The following EFNA5 variants were observed in gnomAD, a reference collection of about 807,000 sequenced individuals.
EFNA5 encodes ephrin A5.
A neutral mutation model predicts 22.9 loss-of-function variants in EFNA5; 5 were observed. That is an observed-to-expected ratio of 0.22 (90% CI 0.11 to 0.46). The LOEUF (loss-of-function observed/expected upper bound fraction) is 0.46, where lower values mean the gene tolerates loss of function less well. Among genes scored for constraint, EFNA5 ranks in the 20% least tolerant of loss-of-function variants. The probability of loss-of-function intolerance (pLI) is 0.99; values close to 1 mark genes in which losing one functional copy is unlikely to be tolerated. For synonymous variants in EFNA5, 113 were observed against 112.2 expected, an observed-to-expected ratio of 1.01 and a Z score of -0.04; for missense variants, 237 against 293.3, an observed-to-expected ratio of 0.81 and a Z score of 1.40.
chr5:107,589,946 C>T (rs763211477), intron 1 of EFNA5, among the ~76,000 whole-genome samples: 4 of 152,152 alleles, frequency 2.6e-5, no homozygotes, highest in African/African-American at 4.8e-5. Flanking sequence ...GTGCTCCTGC[C>T]TTTTCTCAAG....
chr5:107,640,015 C>CAGT (rs1342154041), intron 1 of EFNA5, among the ~76,000 whole-genome samples: 4 of 152,116 alleles, frequency 2.6e-5, no homozygotes, highest in African/African-American at 7.2e-5. Context: ...CAATAAGGAA[C>CAGT]AGTAGGTCAG....
intron 2 of EFNA5, among the ~76,000 whole-genome samples, chr5:107,399,411 G>C (rs988435691): frequency 4.0e-5 from 6 of 149,776 alleles, no homozygotes; most frequent in African/African-American, 1.5e-4. Context: ...GAGAAGGAAG[G>C]AAGGAGAGAG....
intron 1 of EFNA5, among the ~76,000 whole-genome samples, chr5:107,592,277 A>C (rs919540136): frequency 6.6e-6 from 1 of 150,942 alleles, no homozygotes; most frequent in Non-Finnish European, 1.5e-5. Flanking sequence ...ATAGATTTCC[A>C]ACATTTAAAA....
intron 1 of EFNA5, among the ~76,000 whole-genome samples, chr5:107,623,453 A>T (rs1233145379): frequency 6.6e-6 from 1 of 151,894 alleles, no homozygotes; most frequent in Non-Finnish European, 1.5e-5. Context: ...ACATAGAAAA[A>T]CTCTTTCTTT....
intron 1 of EFNA5, among the ~76,000 whole-genome samples, chr5:107,565,608 T>C (rs567069869): frequency 2.6e-5 from 4 of 152,348 alleles, no homozygotes; most frequent in South Asian, 2.1e-4. Context: ...TATATACATA[T>C]GTTTTATGTC....
rs571242724 is a variant in EFNA5, at chr5:107,462,345, G to A, written c.126-34836C>T. Among the ~76,000 whole-genome samples, 15 of 152,262 alleles carry A rather than the reference G, an allele frequency of 9.9e-5. No homozygotes were observed. In the East Asian group the frequency reaches 2.7e-3, roughly 27 times the overall value. On this transcript the variant is annotated intron_variant, in intron 1 of 4. Transcript: ENST00000333274. Reference sequence around the variant, plus strand: ...AGATCATCTTTTGTTTATATAAATAGCTTCTGGATTGTGACTTTTATTTGA... The same window carrying A: ...AGATCATCTTTTGTTTATATAAATAACTTCTGGATTGTGACTTTTATTTGA...
In EFNA5 at chr5:107,380,772, T is replaced by C. The variant is rs1580411463; in HGVS notation, c.*483A>G. 2.0e-5 allele frequency: 8 copies of C among 400,248 alleles called. No individual in the cohort carries two copies. In the East Asian group the frequency reaches 2.8e-4, roughly 14 times the overall value. 24.8% of individuals were successfully genotyped at this position (400,248 alleles called of 1,614,324 possible). A position where few individuals can be genotyped will look rare whatever the true frequency, so the allele number is the denominator to read the frequency against. On this transcript the variant is annotated 3_prime_UTR_variant, in exon 5 of 5. Coordinates refer to ENST00000333274, the MANE Select transcript of EFNA5 (RefSeq NM_001962.3). ...CTCCGGACCTGACATGGTGACATGA[T>C]GCCCTGCGCGATCATCTTACAGTTC...
chr5:107,400,511 C>T (rs549933768), intron 2 of EFNA5, among the ~76,000 whole-genome samples: 1 of 152,238 alleles, frequency 6.6e-6, no homozygotes, highest in East Asian at 1.9e-4. Context: ...GTATAACTGA[C>T]AGTTATAGAT....
chr5:107,516,994 C>G (rs1747494371), intron 1 of EFNA5, among the ~76,000 whole-genome samples: 1 of 152,002 alleles, frequency 6.6e-6, no homozygotes, highest in Admixed American at 6.6e-5. Flanking sequence ...GGGGTAGGCA[C>G]AGGGGATGAC....
At chr5:107,661,582 T>C (rs565608290) in intron 1 of EFNA5, among the ~76,000 whole-genome samples, 10 of 152,320 alleles carry the variant, frequency 6.6e-5, no homozygotes, top group Admixed American at 6.5e-5. Flanking sequence ...CCTGAAACAA[T>C]AGAAGGGGAA....
chr5:107,591,551 A>G (rs6879546), intron 1 of EFNA5, among the ~76,000 whole-genome samples: 74,644 of 151,334 alleles, frequency 0.49, 19,680 homozygotes, highest in African/African-American at 0.64. Context: ...GGCCGGGTGC[A>G]GTGGCTCACA....
At chr5:107,650,102 T>C (rs1009920217) in intron 1 of EFNA5, among the ~76,000 whole-genome samples, 1 of 152,128 alleles carries the variant, frequency 6.6e-6, no homozygotes, top group African/African-American at 2.4e-5. Flanking sequence ...ATATAAACTA[T>C]AGTATAACTC....
chr5:107,404,776 C>A lies in EFNA5; in HGVS notation c.419-17005G>T, dbSNP rs574086186. Among the ~76,000 whole-genome samples, 13 of 152,186 alleles carry A rather than the reference C, an allele frequency of 8.5e-5. 1 individual carries two copies. The South Asian group carries it at 2.7e-3, about 32-fold the overall frequency. On this transcript the variant is annotated intron_variant, in intron 2 of 4. Coordinates refer to ENST00000333274, the MANE Select transcript of EFNA5 (RefSeq NM_001962.3). ...TTCAAATATTTGTTTCATAATTTCC[C>A]AGAAGCTCTTAAAGGCCCTTCCAGA...
chr5:107,527,227 A>G (rs190475810), intron 1 of EFNA5, among the ~76,000 whole-genome samples: 30 of 152,052 alleles, frequency 2.0e-4, no homozygotes, highest in African/African-American at 7.2e-4. Flanking sequence ...ATATAAGTAG[A>G]TGTATAAATG....
intron 1 of EFNA5, among the ~76,000 whole-genome samples, chr5:107,564,209 A>T (rs1036293200): frequency 2.6e-5 from 4 of 152,042 alleles, no homozygotes; most frequent in African/African-American, 9.7e-5. Flanking sequence ...AGCATAAATC[A>T]TTTTCTGGAA....
At chr5:107,539,710 G>A (rs775233753) in intron 1 of EFNA5, among the ~76,000 whole-genome samples, 12 of 152,094 alleles carry the variant, frequency 7.9e-5, no homozygotes, top group Non-Finnish European at 7.3e-5. Flanking sequence ...ACCCACCTCA[G>A]CCTCCCAAAG....
intron 1 of EFNA5, among the ~76,000 whole-genome samples, chr5:107,482,674 C>T (rs1048404723): frequency 1.3e-5 from 2 of 151,972 alleles, no homozygotes; most frequent in Non-Finnish European, 2.9e-5. Context: ...GAAAATTAAG[C>T]TGGTATTTAT....
chr5:107,594,797 C>T lies in EFNA5; in HGVS notation c.125+75692G>A, dbSNP rs192901437. 2.4e-3 allele frequency among the ~76,000 whole-genome samples: 364 copies of T among 152,274 alleles called. 1 individual carries two copies. Among genetic ancestry groups the T allele is most frequent in the African/African-American group, 6.5e-3 (271 of 41,564 alleles). On this transcript the variant is annotated intron_variant, in intron 1 of 4. Transcript: ENST00000333274. Reference sequence around the variant, plus strand: ...TTACCCCGTATGCACTGACCAGCACCGGTGAAATTACAACACCCAGGAATG... The same window carrying T: ...TTACCCCGTATGCACTGACCAGCACTGGTGAAATTACAACACCCAGGAATG...
rs373990666 is a variant in EFNA5 at position 107,392,640 on chromosome 5, G to C, written c.419-4869C>G. 1.2e-4 allele frequency among the ~76,000 whole-genome samples: 19 copies of C among 152,290 alleles called. No individual in the cohort carries two copies. In the South Asian group the frequency reaches 3.9e-3, roughly 32 times the overall value. On this transcript the variant is annotated intron_variant, in intron 2 of 4. Transcript: ENST00000333274. ...CTGTGAAATAATAAACGTTGTTTTA[G>C]CCACAAAATTTGGGGGTAATTTCTT...
Sources: gnomAD v4.1 joint callset for allele counts (sites outside exome capture counted in the v4.1 genomes callset) on GRCh38, gnomAD v4.1.1 for gene constraint, MANE v1.5 for transcripts, NCBI Gene and HGNC (gene_info 2026-07-23, HGNC 2026-07-21) for gene names.